WDR7: variants seen among roughly 807,000 people sequenced by gnomAD.
WDR7 encodes the protein WD repeat domain 7.
Under a neutral mutation model 169.4 loss-of-function variants are expected in WDR7, and 46 were observed. The observed-to-expected ratio is 0.27, with a 90% CI of 0.21 to 0.35. The LOEUF (loss-of-function observed/expected upper bound fraction) is 0.35, where lower values mean the gene tolerates loss of function less well. WDR7 is among the 10% of genes least tolerant of loss of function. The pLI is 1.00. For synonymous variants in WDR7, 612 were observed against 666.8 expected (o/e 0.92, Z 1.27); for missense variants, 1,534 against 1,859.3 (o/e 0.83, Z 3.22).
Position 56,679,338 on chromosome 18 carries a change from C to T in WDR7, c.166C>T (p.Pro56Ser), listed in dbSNP as rs540968604. The T allele has an allele frequency of 6.2e-7, 1 of 1,606,668 alleles. No homozygotes were observed. The highest frequency in any genetic ancestry group is 2.2e-5 in the East Asian group (1 of 44,746). Residue 56 changes from proline (P) to serine (S), a missense_variant, in exon 3 of 28, where the codon CCT becomes TCT. Pro to Ser is a moderately conservative substitution (Grantham distance 74). Transcript: ENST00000254442. Reference protein sequence around the residue: ...WDLSVELQINPRALLFGHTAS... With the variant: ...WDLSVELQINSRALLFGHTAS... Reference sequence around the variant, plus strand: ...CATATTTTTGCATTTCTAGATTAATCCTCGAGCACTGTTGTTTGGTCATAC... The same window carrying T: ...CATATTTTTGCATTTCTAGATTAATTCTCGAGCACTGTTGTTTGGTCATAC...
chr18:56,667,838 C>T (rs375735554), intron 1 of WDR7, among the ~76,000 whole-genome samples: 2 of 152,072 alleles, frequency 1.3e-5, no homozygotes, highest in Non-Finnish European at 2.9e-5. Context: ...CCATGAACAC[C>T]CTTCACCATA....
At position 56,820,521 on chromosome 18, in the gene WDR7, G is replaced by A. The variant is rs766206963; in HGVS notation, c.3304+4377G>A. Among the ~76,000 whole-genome samples the A allele has an allele frequency of 5.3e-5, 8 of 151,646 alleles. No individual in the cohort carries two copies. In the South Asian group the frequency reaches 1.7e-3, roughly 32 times the overall value. On this transcript the variant is annotated intron_variant, in intron 20 of 27. Coordinates refer to ENST00000254442, the MANE Select transcript of WDR7 (RefSeq NM_015285.3). ...AGCTACATTTTGATTACTCATTCAG[G>A]AGCAAATATATATCTTCCCATTACT...
At chr18:56,884,448 G>A (rs556008138) in intron 21 of WDR7, among the ~76,000 whole-genome samples, 38 of 151,254 alleles carry the variant, frequency 2.5e-4, no homozygotes, top group African/African-American at 8.8e-4. Flanking sequence ...CCCACTTTGT[G>A]GGTTGTCTGT....
In WDR7 at chr18:56,914,141, G is replaced by A. The variant is rs779807995; in HGVS notation, c.3527-9781G>A. 3.9e-4 allele frequency among the ~76,000 whole-genome samples: 59 copies of A among 152,292 alleles called. 2 individuals are homozygous for A. The highest frequency in any genetic ancestry group is 2.1e-4 in the South Asian group (1 of 4,818). On this transcript the variant is annotated intron_variant, in intron 21 of 27. Coordinates refer to ENST00000254442, the MANE Select transcript of WDR7 (RefSeq NM_015285.3). ...TCACTGCCATCCGGCCACACTGGAC[G>A]TTTTGCTGTCCCTCAGAGATCCCAG...
chr18:56,991,821 G>A (rs2047822832), intron 26 of WDR7, among the ~76,000 whole-genome samples: 1 of 152,200 alleles, frequency 6.6e-6, no homozygotes, highest in South Asian at 2.1e-4. Context: ...AGAACAAACT[G>A]TTAATGGAGA....
At chr18:56,876,593 G>A (rs969663562) in intron 20 of WDR7, among the ~76,000 whole-genome samples, 5 of 152,098 alleles carry the variant, frequency 3.3e-5, no homozygotes, top group African/African-American at 1.2e-4. Flanking sequence ...CCAGGAGCTA[G>A]GCTATAGCTT....
chr18:56,988,931 G>T (rs1024905173), intron 26 of WDR7, among the ~76,000 whole-genome samples: 4 of 151,742 alleles, frequency 2.6e-5, no homozygotes, highest in African/African-American at 4.9e-5. Flanking sequence ...TTTCAGGGAA[G>T]AATAATTTAT....
chr18:56,763,010 G>T (rs561464477), intron 16 of WDR7, among the ~76,000 whole-genome samples: 45 of 151,934 alleles, frequency 3.0e-4, no homozygotes, highest in Admixed American at 6.6e-4. Context: ...GCCCAGGCTG[G>T]AGTGCAGTGG....
intron 22 of WDR7, among the ~76,000 whole-genome samples, chr18:56,929,974 TGTG>T (rs1408009377): frequency 6.6e-6 from 1 of 152,164 alleles, no homozygotes; most frequent in Non-Finnish European, 1.5e-5. Flanking sequence ...CTCTCTAAGT[TGTG>T]GTCTGTGATT....
At chr18:56,940,654 T>G (rs779178589) in intron 25 of WDR7, among the ~76,000 whole-genome samples, 1 of 152,126 alleles carries the variant, frequency 6.6e-6, no homozygotes, top group African/African-American at 2.4e-5. Flanking sequence ...TCCAGTTGAC[T>G]ATTTTCAATG....
At chr18:56,855,625 C>T (rs888482243) in intron 20 of WDR7, among the ~76,000 whole-genome samples, 10 of 152,000 alleles carry the variant, frequency 6.6e-5, no homozygotes, top group African/African-American at 2.4e-4. Flanking sequence ...CATATCTGGA[C>T]CCTGGGGGGT....
At chr18:56,793,997 T>C (rs943880217) in intron 19 of WDR7, among the ~76,000 whole-genome samples, 10 of 152,178 alleles carry the variant, frequency 6.6e-5, no homozygotes, top group Admixed American at 6.6e-5. Flanking sequence ...CATAGAGTTA[T>C]TAGGATGATT....
intron 1 of WDR7, among the ~76,000 whole-genome samples, chr18:56,661,068 A>T (rs546098983): frequency 2.0e-5 from 3 of 152,360 alleles, no homozygotes; most frequent in African/African-American, 7.2e-5. Context: ...GTGACAATTC[A>T]GCTTCAAATT....
intron 20 of WDR7, among the ~76,000 whole-genome samples, chr18:56,817,011 A>G (rs1315961032): frequency 2.0e-5 from 3 of 152,156 alleles, no homozygotes; most frequent in Non-Finnish European, 4.4e-5. Flanking sequence ...ATAATTTAGA[A>G]AGAAGCATGC....
At chr18:56,735,762 C>T (rs1397899934) in intron 14 of WDR7, among the ~76,000 whole-genome samples, 1 of 152,150 alleles carries the variant, frequency 6.6e-6, no homozygotes, top group Non-Finnish European at 1.5e-5. Flanking sequence ...CTTAACTTTG[C>T]TTTATAGTGT....
chr18:56,722,187 A>C (rs558740293), intron 13 of WDR7, among the ~76,000 whole-genome samples: 2 of 152,232 alleles, frequency 1.3e-5, no homozygotes, highest in Non-Finnish European at 2.9e-5. Flanking sequence ...TCAGGGGCTC[A>C]GATTGTCATA....
At chr18:56,697,452 T>C (rs930396290) in intron 12 of WDR7, among the ~76,000 whole-genome samples, 2 of 152,218 alleles carry the variant, frequency 1.3e-5, no homozygotes, top group Non-Finnish European at 1.5e-5. Context: ...TTTCTCATTA[T>C]TTTTCCTGGC....
intron 20 of WDR7, among the ~76,000 whole-genome samples, chr18:56,864,768 G>A (rs2045857846): frequency 6.6e-6 from 1 of 151,804 alleles, no homozygotes; most frequent in African/African-American, 2.4e-5. Flanking sequence ...ATTGATAAAG[G>A]AAGCATTATT....
chr18:56,902,055 TCTGA>T (rs1372472340), intron 21 of WDR7, among the ~76,000 whole-genome samples: 1 of 152,148 alleles, frequency 6.6e-6, no homozygotes, highest in Non-Finnish European at 1.5e-5. Flanking sequence ...TTCTACTTTG[TCTGA>T]CTGACCATCA....
Sources: gnomAD v4.1 joint callset for allele counts (sites outside exome capture counted in the v4.1 genomes callset) on GRCh38, gnomAD v4.1.1 for gene constraint, MANE v1.5 for transcripts, NCBI Gene and HGNC (gene_info 2026-07-23, HGNC 2026-07-21) for gene names.